Variants in DPYD observed in about 807,000 individuals in gnomAD.
DPYD encodes the protein dihydropyrimidine dehydrogenase [NADP(+)].
In DPYD, 109 loss-of-function variants were observed where a neutral mutation model predicts 116.2. That is an observed-to-expected ratio of 0.94 (90% CI 0.80 to 1.10). The LOEUF (loss-of-function observed/expected upper bound fraction) is 1.10. Ranked by LOEUF, DPYD falls within the 50% of genes least tolerant of loss-of-function variation. The pLI is 0.00. For missense variants in DPYD, 1,302 were observed against 1,254.5 expected, an observed-to-expected ratio of 1.04 and a Z score of -0.57; for synonymous variants, 440 against 432.0, an observed-to-expected ratio of 1.02 and a Z score of -0.23.
At chr1:97,842,316 T>G (rs1432642659) in intron 2 of DPYD, among the ~76,000 whole-genome samples, 1 of 151,964 alleles carries the variant, frequency 6.6e-6, no homozygotes, top group Non-Finnish European at 1.5e-5. Context: ...CAATCATCAA[T>G]AGAATAACAA....
chr1:97,661,528 T>G (rs1455600534), intron 8 of DPYD, among the ~76,000 whole-genome samples: 1 of 152,054 alleles, frequency 6.6e-6, no homozygotes, highest in Non-Finnish European at 1.5e-5. Flanking sequence ...CTTGCCAAAA[T>G]AAGATAATTT....
rs149274461 is a variant in DPYD, at chr1:97,248,499, T to C, written c.2300-13505A>G. On this transcript the variant is annotated intron_variant, in intron 18 of 22. Coordinates refer to ENST00000370192, the MANE Select transcript of DPYD (RefSeq NM_000110.4). ...CTCTTTCTTTGGAAATTGCCCAGTC[T>C]GATGTATGTCTTTATTAGCAGTGTG... Among the ~76,000 whole-genome samples, 1,117 of 152,320 alleles carry C rather than the reference T, an allele frequency of 7.3e-3. 17 individuals carry two copies. Among genetic ancestry groups the C allele is most frequent in the Non-Finnish European group, 7.0e-3 (476 of 68,028 alleles).
intron 13 of DPYD, among the ~76,000 whole-genome samples, chr1:97,455,735 T>A (rs549004345): frequency 1.1e-4 from 17 of 152,076 alleles, no homozygotes; most frequent in South Asian, 4.1e-4. Context: ...ATGAACTAAG[T>A]ATATTAATAT....
At chr1:97,234,548 T>C (rs1468323209) in intron 19 of DPYD, among the ~76,000 whole-genome samples, 5 of 152,212 alleles carry the variant, frequency 3.3e-5, no homozygotes, top group Admixed American at 2.6e-4. Flanking sequence ...GATTTCCTCA[T>C]GTATTGTTTT....
At chr1:97,527,101 C>T (rs983319216) in intron 12 of DPYD, among the ~76,000 whole-genome samples, 4 of 148,888 alleles carry the variant, frequency 2.7e-5, no homozygotes, top group African/African-American at 9.9e-5. Flanking sequence ...TTTTTTGAGA[C>T]GGTGTGTTGC....
At chr1:97,238,052 A>G (rs1025278389) in intron 18 of DPYD, among the ~76,000 whole-genome samples, 2 of 152,154 alleles carry the variant, frequency 1.3e-5, no homozygotes, top group Admixed American at 1.3e-4. Flanking sequence ...TTAAAGGGCA[A>G]CATTATTACA....
chr1:97,779,463 A>G (rs181204913), intron 3 of DPYD, among the ~76,000 whole-genome samples: 1 of 152,204 alleles, frequency 6.6e-6, no homozygotes, highest in Admixed American at 6.6e-5. Flanking sequence ...ACAGTACTAC[A>G]AAATTACTAC....
chr1:97,789,483 C>A (rs969071428), intron 3 of DPYD, among the ~76,000 whole-genome samples: 1 of 152,064 alleles, frequency 6.6e-6, no homozygotes, highest in Non-Finnish European at 1.5e-5. Flanking sequence ...GATACAAAAC[C>A]CTGCATGGTG....
At chr1:97,410,114 G>A (rs11165865) in intron 14 of DPYD, among the ~76,000 whole-genome samples, 3 of 150,906 alleles carry the variant, frequency 2.0e-5, no homozygotes, top group South Asian at 2.1e-4. Flanking sequence ...AACTACAAAC[G>A]ACCTCCTCCC....
intron 18 of DPYD, among the ~76,000 whole-genome samples, chr1:97,250,747 T>C (rs1211980533): frequency 2.6e-5 from 4 of 152,152 alleles, no homozygotes; most frequent in Non-Finnish European, 5.9e-5. Flanking sequence ...AAAGAGTCTA[T>C]GGTGGTATAA....
Position 97,767,585 on chromosome 1 carries a change from G to A in DPYD, c.234-27106C>T, listed in dbSNP as rs527637108. ...AGACGACAGGGAGAAGAGTCCACGT[G>A]ATGGAGCCAAATCTACCAGACTACT... On this transcript the variant is annotated intron_variant, in intron 3 of 22. Transcript: ENST00000370192. 3.9e-5 allele frequency among the ~76,000 whole-genome samples: 6 copies of A among 152,188 alleles called. No individual in the cohort carries two copies. The South Asian group carries it at 1.2e-3, about 32-fold the overall frequency.
intron 13 of DPYD, among the ~76,000 whole-genome samples, chr1:97,459,521 A>G (rs924878672): frequency 1.3e-5 from 2 of 152,176 alleles, no homozygotes; most frequent in Non-Finnish European, 2.9e-5. Context: ...ATTAAAAAAT[A>G]ACCAGAGGAA....
intron 1 of DPYD, among the ~76,000 whole-genome samples, chr1:97,908,943 C>T (rs1032927595): frequency 6.6e-6 from 1 of 152,102 alleles, no homozygotes; most frequent in East Asian, 1.9e-4. Context: ...AAACTTATCT[C>T]TTTACATCTT....
At chr1:97,609,597 T>TA (rs1162343644) in intron 8 of DPYD, among the ~76,000 whole-genome samples, 2 of 152,022 alleles carry the variant, frequency 1.3e-5, no homozygotes, top group Middle Eastern at 3.4e-3. Context: ...TTCAAGGCAG[T>TA]AAAAAAAGCT....
intron 18 of DPYD, among the ~76,000 whole-genome samples, chr1:97,236,552 G>A (rs1661938557): frequency 6.6e-6 from 1 of 152,140 alleles, no homozygotes; most frequent in Admixed American, 6.5e-5. Context: ...TGGTAGTAAG[G>A]AGCGAACGGG....
At chr1:97,339,414 TTTC>T (rs1415306116) in intron 16 of DPYD, among the ~76,000 whole-genome samples, 1 of 152,182 alleles carries the variant, frequency 6.6e-6, no homozygotes, top group Non-Finnish European at 1.5e-5. Context: ...AAAAAAATTC[TTTC>T]TTCTACTCAG....
At chr1:97,581,589 T>A (rs1043583385) in intron 10 of DPYD, among the ~76,000 whole-genome samples, 10 of 150,906 alleles carry the variant, frequency 6.6e-5, no homozygotes, top group Non-Finnish European at 1.3e-4. Context: ...TAAATTTTTT[T>A]TAAAAAATTT....
intron 14 of DPYD, among the ~76,000 whole-genome samples, chr1:97,428,707 T>C (rs1675008180): frequency 6.6e-6 from 1 of 151,656 alleles, no homozygotes; most frequent in African/African-American, 2.4e-5. Flanking sequence ...ATAACATCTC[T>C]TACAGACACA....
chr1:97,303,684 A>G (rs1268626489), intron 18 of DPYD, among the ~76,000 whole-genome samples: 3 of 152,056 alleles, frequency 2.0e-5, no homozygotes, highest in African/African-American at 7.2e-5. Context: ...GCTATTTTCA[A>G]AACAGATTGT....
Sources: allele counts gnomAD v4.1 joint callset (sites outside exome capture counted in the v4.1 genomes callset), GRCh38; gene constraint gnomAD v4.1.1; transcripts MANE v1.5; gene names NCBI Gene and HGNC (gene_info 2026-07-23, HGNC 2026-07-21).